The following NAALADL2 variants were observed in gnomAD, a reference collection of about 807,000 sequenced individuals.
NAALADL2 encodes the protein inactive N-acetylated-alpha-linked acidic dipeptidase-like protein 2.
A neutral mutation model predicts 87.2 loss-of-function variants in NAALADL2; 76 were observed. The observed-to-expected ratio is 0.87, with a 90% CI of 0.72 to 1.05. NAALADL2 has a LOEUF of 1.05. Ranked by LOEUF, NAALADL2 falls within the 50% of genes least tolerant of loss-of-function variation. The pLI is 0.00. For missense variants in NAALADL2, 1,089 were observed against 945.8 expected, an observed-to-expected ratio of 1.15 and a Z score of -1.99; for synonymous variants, 354 against 331.0, an observed-to-expected ratio of 1.07 and a Z score of -0.75.
intron 3 of NAALADL2, among the ~76,000 whole-genome samples, chr3:174,773,816 A>G (rs1045438397): frequency 6.6e-6 from 1 of 152,146 alleles, no homozygotes; most frequent in African/African-American, 2.4e-5. Context: ...TAAATAGTCC[A>G]ACAATGATTG....
intron 2 of NAALADL2, among the ~76,000 whole-genome samples, chr3:175,106,318 C>T (rs1723154963): frequency 6.6e-6 from 1 of 151,992 alleles, no homozygotes; most frequent in African/African-American, 2.4e-5. Context: ...TACATAATTG[C>T]AGTGATTATC....
At chr3:174,602,542 T>TAATATAATTTGAAAATTATATTTCA (rs900077739) in intron 2 of NAALADL2, among the ~76,000 whole-genome samples, 24 of 151,466 alleles carry the variant, frequency 1.6e-4, no homozygotes, top group Non-Finnish European at 2.8e-4. Context: ...AAATATAGGA[T>TAATATAATTTGAAAATTATATTTCA]AATATAATTT....
intron 2 of NAALADL2, among the ~76,000 whole-genome samples, chr3:175,172,136 A>G (rs1475333549): frequency 2.6e-5 from 4 of 152,172 alleles, no homozygotes; most frequent in African/African-American, 9.6e-5. Flanking sequence ...ATCATTACAC[A>G]TGTATGCAAC....
intron 3 of NAALADL2, among the ~76,000 whole-genome samples, chr3:174,820,344 T>C (rs1299403634): frequency 6.6e-6 from 1 of 152,204 alleles, no homozygotes; most frequent in African/African-American, 2.4e-5. Context: ...TGTTTTCTAT[T>C]CTCAGGAATA....
chr3:175,693,983 G>A (rs1479492843), intron 11 of NAALADL2, among the ~76,000 whole-genome samples: 20 of 152,066 alleles, frequency 1.3e-4, no homozygotes, highest in African/African-American at 1.4e-4. Flanking sequence ...ATGAGCCACC[G>A]TGCCTGGCCA....
chr3:175,247,264 G>A (rs140225748), intron 3 of NAALADL2, among the ~76,000 whole-genome samples: 283 of 78,620 alleles, frequency 3.6e-3, no homozygotes, highest in African/African-American at 0.011. Flanking sequence ...CAAATTATGT[G>A]TGTACACACA....
chr3:174,459,291 T>TG (rs1246410124), intron 1 of NAALADL2: 1 of 152,292 alleles, frequency 6.6e-6, no homozygotes, highest in Admixed American at 6.5e-5. Flanking sequence ...TCTGCAGTGC[T>TG]GTTTAAAGAG....
At chr3:175,032,334 T>A (rs962305906) in intron 1 of NAALADL2, among the ~76,000 whole-genome samples, 8 of 152,190 alleles carry the variant, frequency 5.3e-5, no homozygotes, top group Non-Finnish European at 7.4e-5. Context: ...AGCATTTTTT[T>A]AACAAATACT....
At chr3:175,676,805 G>A (rs1734848605) in intron 11 of NAALADL2, 1 of 151,986 alleles carries the variant, frequency 6.6e-6, no homozygotes, top group Non-Finnish European at 1.5e-5. Context: ...CCGTTATTCA[G>A]GTAAGCAAAC....
At chr3:174,973,083 C>T (rs1743913076) in intron 1 of NAALADL2, among the ~76,000 whole-genome samples, 1 of 151,872 alleles carries the variant, frequency 6.6e-6, no homozygotes, top group Admixed American at 6.6e-5. Context: ...TTTTAACCTC[C>T]ATTATGGCAC....
At chr3:174,551,403 T>G (rs752706152) in intron 2 of NAALADL2, 1 of 152,208 alleles carries the variant, frequency 6.6e-6, no homozygotes, top group Non-Finnish European at 1.5e-5. Context: ...CATAAGTTAT[T>G]CAGATAATTG....
intron 2 of NAALADL2, among the ~76,000 whole-genome samples, chr3:175,229,112 A>G (rs1431394908): frequency 1.3e-5 from 2 of 151,940 alleles, no homozygotes; most frequent in Admixed American, 6.6e-5. Context: ...GAATGGAAGG[A>G]ACATCTTTAA....
intron 1 of NAALADL2, among the ~76,000 whole-genome samples, chr3:174,893,029 TA>T (rs1187578746): frequency 6.6e-6 from 1 of 150,972 alleles, no homozygotes; most frequent in Non-Finnish European, 1.5e-5. Flanking sequence ...AGGTCAAGGA[TA>T]AAGAAAGGAT....
At chr3:174,835,678 T>A (rs1483512631) in intron 3 of NAALADL2, among the ~76,000 whole-genome samples, 2 of 152,134 alleles carry the variant, frequency 1.3e-5, no homozygotes, top group African/African-American at 4.8e-5. Context: ...AATCTGATTT[T>A]TTAAATGTGC....
chr3:175,717,097 A>G (rs1295255112), intron 11 of NAALADL2, among the ~76,000 whole-genome samples: 1 of 152,158 alleles, frequency 6.6e-6, no homozygotes, highest in Non-Finnish European at 1.5e-5. Context: ...ATAAAATGAC[A>G]TAGCCTTTGA....
At chr3:175,406,356 C>T (rs182475855) in intron 5 of NAALADL2, among the ~76,000 whole-genome samples, 10 of 152,260 alleles carry the variant, frequency 6.6e-5, no homozygotes, top group Middle Eastern at 3.4e-3. Context: ...TACTGTCACT[C>T]CTGACTAAGA....
chr3:174,595,648 A>G (rs192160870), intron 2 of NAALADL2, among the ~76,000 whole-genome samples: 2 of 152,190 alleles, frequency 1.3e-5, no homozygotes, highest in East Asian at 3.9e-4. Flanking sequence ...TCTTTCCACT[A>G]TAAATTGGCA....
chr3:174,956,140 C>G (rs1437052688), intron 1 of NAALADL2, among the ~76,000 whole-genome samples: 1 of 152,000 alleles, frequency 6.6e-6, no homozygotes, highest in Non-Finnish European at 1.5e-5. Flanking sequence ...TAAAGGGAGT[C>G]ACATGAAGTC....
intron 2 of NAALADL2, among the ~76,000 whole-genome samples, chr3:174,568,401 A>T (rs1026299713): frequency 6.6e-6 from 1 of 151,828 alleles, no homozygotes; most frequent in African/African-American, 2.4e-5. Flanking sequence ...TCTTTTCACC[A>T]CACCGTATTG....
Sources: gnomAD v4.1 joint callset for allele counts (sites outside exome capture counted in the v4.1 genomes callset) on GRCh38, gnomAD v4.1.1 for gene constraint, MANE v1.5 for transcripts, NCBI Gene and HGNC (gene_info 2026-07-23, HGNC 2026-07-21) for gene names.